The following NFIC variants were observed in gnomAD, a reference collection of about 807,000 sequenced individuals.
NFIC encodes nuclear factor I C.
A neutral mutation model predicts 54.4 loss-of-function variants in NFIC; 12 were observed. The ratio of observed to expected loss-of-function variants is 0.22; its 90% CI spans 0.14 to 0.36. The LOEUF is 0.36. Ranked by LOEUF, NFIC falls within the 10% of genes least tolerant of loss-of-function variation. The pLI, the probability that NFIC is intolerant of heterozygous loss-of-function variation, is 1.00. For synonymous variants in NFIC, 322 were observed against 319.2 expected (o/e 1.01, Z -0.09); for missense variants, 575 against 718.2 (o/e 0.80, Z 2.28).
rs996215194 is a variant in NFIC, at chr19:3,463,980, G to A, written c.*1211G>A. The A allele has an allele frequency of 7.1e-6, 7 of 985,080 alleles. No homozygotes were observed. The highest frequency in any genetic ancestry group is 6.2e-5 in the Admixed American group (1 of 16,250). The allele number at this position is 985,080 out of a possible 1,614,324, so 61.0% of individuals were successfully genotyped here. ...GTGCCCCCCCAGAGCTAGAGAGATGGGGCCCCTGCGTGGCCCGAGGGGCAG... is the reference window on the plus strand; with the variant it reads ...GTGCCCCCCCAGAGCTAGAGAGATGAGGCCCCTGCGTGGCCCGAGGGGCAG... On this transcript the variant is annotated 3_prime_UTR_variant, in exon 11 of 11. Coordinates refer to ENST00000443272, the MANE Select transcript of NFIC (RefSeq NM_001245002.2).
chr19:3,402,720 G>C (rs2081577249), intron 2 of NFIC, among the ~76,000 whole-genome samples: 1 of 152,228 alleles, frequency 6.6e-6, no homozygotes, highest in Non-Finnish European at 1.5e-5. Flanking sequence ...TCTGAGAAGG[G>C]AGCATTTGAG....
At chr19:3,389,636 A>C (rs1045230325) in intron 2 of NFIC, among the ~76,000 whole-genome samples, 1 of 152,112 alleles carries the variant, frequency 6.6e-6, no homozygotes, top group Non-Finnish European at 1.5e-5. Flanking sequence ...TGCCCATTGC[A>C]TTAAAGATTG....
intron 2 of NFIC, among the ~76,000 whole-genome samples, chr19:3,399,637 C>T (rs373267156): frequency 6.6e-6 from 1 of 151,648 alleles, no homozygotes; most frequent in African/African-American, 2.4e-5. Context: ...TTTGGGAAGC[C>T]GAGGAAGACA....
At chr19:3,360,354 CCG>C (rs951836414) in intron 1 of NFIC, among the ~76,000 whole-genome samples, 38 of 149,978 alleles carry the variant, frequency 2.5e-4, no homozygotes, top group African/African-American at 8.7e-4. Flanking sequence ...GGCCCCGCTG[CCG>C]CGCGCGCGGG....
chr19:3,426,737 G>C (rs1009165412), intron 3 of NFIC, among the ~76,000 whole-genome samples: 2 of 151,956 alleles, frequency 1.3e-5, no homozygotes, highest in African/African-American at 4.8e-5. Context: ...CCTCCTCGCC[G>C]TTCCTCCAGT....
exon 1 of NFIC, chr19:3,359,675 G>A (rs759648336): frequency 1.4e-6 from 2 of 1,417,640 alleles, no homozygotes; most frequent in South Asian, 1.4e-5. Context: ...CCTCCTCGCA[G>A]CAGCGCCATG....
chr19:3,435,167 C>T lies in NFIC; in HGVS notation c.918C>T (p.Pro306=). The part of the protein sequence containing the change: ...GGDYYTSPSS[P]TSSSRNWTED... ...ATTACTACACTTCGCCCAGCTCGCC[C>T]ACGAGTAGCAGCCGCAACTGGACGG... Residue 306 remains proline (P), a synonymous_variant, in exon 6 of 11, where the codon CCC becomes CCT. Transcript: ENST00000443272. 1 of 1,605,648 alleles carries T rather than the reference C, an allele frequency of 6.2e-7. No individual in the cohort carries two copies. Among genetic ancestry groups the T allele is most frequent in the Non-Finnish European group, 8.5e-7 (1 of 1,176,940 alleles).
intron 2 of NFIC, among the ~76,000 whole-genome samples, chr19:3,415,200 C>A (rs2081833946): frequency 2.0e-5 from 3 of 151,294 alleles, no homozygotes; most frequent in African/African-American, 7.3e-5. Context: ...GCAGCCTCCA[C>A]CTGCCAGGTT....
chr19:3,402,843 C>T (rs556504346), intron 2 of NFIC, among the ~76,000 whole-genome samples: 5 of 152,102 alleles, frequency 3.3e-5, no homozygotes, highest in African/African-American at 7.2e-5. Flanking sequence ...GGAGGAACAG[C>T]GAGGAGGCCC....
intron 10 of NFIC, 36 bp downstream of exon 10, chr19:3,456,671 G>A (rs1270594290): frequency 1.4e-6 from 2 of 1,433,392 alleles, no homozygotes; most frequent in Non-Finnish European, 1.9e-6. Context: ...GGGTGGGAGG[G>A]GCAGGGCAGA....
chr19:3,458,465 A>T lies in NFIC; in HGVS notation c.1509+1830A>T, dbSNP rs1316297880. ...CCAGGCCCTCCCGCCAGGGCCCGGG[A>T]CCCTTCTCTCAGACTGTGCTGGCTC... On this transcript the variant is annotated intron_variant, in intron 10 of 10. Transcript: ENST00000443272. The surrounding 1 kb of genome is among the most constrained non-coding windows in gnomAD (Gnocchi z 4.1). Among the ~76,000 whole-genome samples, 25 of 151,860 alleles carry T rather than the reference A, an allele frequency of 1.6e-4. No individual in the cohort carries two copies. The highest frequency in any genetic ancestry group is 1.2e-4 in the Non-Finnish European group (8 of 67,876).
At position 3,465,451 on chromosome 19, in the gene NFIC, A is replaced by T. The variant is rs1159824737; in HGVS notation, c.*2682A>T. The T allele has an allele frequency of 6.7e-6, 1 of 149,648 alleles. No individual in the cohort carries two copies. The highest frequency in any genetic ancestry group is 1.5e-5 in the Non-Finnish European group (1 of 67,258). The allele number at this position is 149,648 out of a possible 1,614,324, so 9.3% of individuals were successfully genotyped here. On this transcript the variant is annotated 3_prime_UTR_variant, in exon 11 of 11. Transcript: ENST00000443272. ...AATCTAAAAAAAAAAAAAAAAAAAAAAAAGGAAGAAAAACCACGCTAAAAA... is the reference window on the plus strand; with the variant it reads ...AATCTAAAAAAAAAAAAAAAAAAAATAAAGGAAGAAAAACCACGCTAAAAA...
At chr19:3,455,895 A>T (rs1599726328) in intron 9 of NFIC, among the ~76,000 whole-genome samples, 1 of 151,724 alleles carries the variant, frequency 6.6e-6, no homozygotes, top group Non-Finnish European at 1.5e-5. Context: ...ATCTACTCCT[A>T]CTTCTCCCCA....
rs114741279 is a variant in NFIC, at chr19:3,454,761, G to A, written c.1423+845G>A. 3.9e-3 allele frequency among the ~76,000 whole-genome samples: 554 copies of A among 141,108 alleles called. 5 individuals carry two copies. The highest frequency in any genetic ancestry group is 0.014 in the African/African-American group (524 of 37,182). The allele number at this position is 141,108 out of a possible 152,430, so 92.6% of individuals were successfully genotyped here. A position where few individuals can be genotyped will look rare whatever the true frequency, so the allele number is the denominator to read the frequency against. On this transcript the variant is annotated intron_variant, in intron 9 of 10. Transcript: ENST00000443272. Reference sequence around the variant, plus strand: ...CATCTCTGTCCCTCACTCTCCAAATGAGACCCCCCACCCCACCCAAGCAGT... The same window carrying A: ...CATCTCTGTCCCTCACTCTCCAAATAAGACCCCCCACCCCACCCAAGCAGT...
chr19:3,401,525 C>G (rs777984358), intron 2 of NFIC, among the ~76,000 whole-genome samples: 1 of 152,178 alleles, frequency 6.6e-6, no homozygotes, highest in Non-Finnish European at 1.5e-5. Flanking sequence ...GCCTGCAAGC[C>G]GCACCTGCCT....
chr19:3,420,100 C>A (rs1488891696), intron 2 of NFIC, among the ~76,000 whole-genome samples: 4 of 152,014 alleles, frequency 2.6e-5, no homozygotes, highest in African/African-American at 9.7e-5. Context: ...GAGAGTGGAT[C>A]GCTTGAGCCC....
rs1363902191 is a variant in NFIC at position 3,375,856 on chromosome 19, A to ATGGATGT, written c.31-5856_31-5855insTGGATGT. ...CCATCCCGGCCTGGAAATGGGACCGAGTCCAGCCACATCCGCTGGCACACA... is the reference window on the plus strand; with the variant it reads ...CCATCCCGGCCTGGAAATGGGACCGATGGATGTGTCCAGCCACATCCGCTGGCACACA... On this transcript the variant is annotated intron_variant, in intron 1 of 10. Coordinates refer to ENST00000443272, the MANE Select transcript of NFIC (RefSeq NM_001245002.2). The surrounding 1 kb of genome is among the most constrained non-coding windows in gnomAD (Gnocchi z 4.6). 9.8e-5 allele frequency among the ~76,000 whole-genome samples: 15 copies of ATGGATGT among 152,290 alleles called. 1 individual carries two copies. In the East Asian group the frequency reaches 2.9e-3, roughly 29 times the overall value.
chr19:3,464,124 T>G lies in NFIC; in HGVS notation c.*1355T>G. 1.0e-6 allele frequency: 1 copy of G among 984,954 alleles called. No individual in the cohort carries two copies. 61.0% of individuals were successfully genotyped at this position (984,954 alleles called of 1,614,324 possible). ...GCCTTACATTCTGGAGCGACCCCCC[T>G]CCCTGGTGCCTCCCAGCGAAGGGGG... On this transcript the variant is annotated 3_prime_UTR_variant, in exon 11 of 11. Transcript: ENST00000443272.
intron 2 of NFIC, among the ~76,000 whole-genome samples, chr19:3,419,157 G>A (rs918891203): frequency 1.3e-5 from 2 of 152,104 alleles, no homozygotes; most frequent in African/African-American, 2.4e-5. Flanking sequence ...GGATGGTGGC[G>A]ATGGCTGCAT....
Sources: gnomAD v4.1 joint callset for allele counts (sites outside exome capture counted in the v4.1 genomes callset) on GRCh38, gnomAD v4.1.1 for gene constraint, Gnocchi (gnomAD v3.1) non-coding constraint, MANE v1.5 for transcripts, NCBI Gene and HGNC (gene_info 2026-07-23, HGNC 2026-07-21) for gene names.